Variants in TBC1D14 observed in about 807,000 individuals in gnomAD.
TBC1D14 encodes the protein TBC1 domain family, member 14.
Under a neutral mutation model 79.0 loss-of-function variants are expected in TBC1D14, and 26 were observed. The ratio of observed to expected loss-of-function variants is 0.33; its 90% CI spans 0.24 to 0.46. The LOEUF (loss-of-function observed/expected upper bound fraction) is 0.46, where lower values mean the gene tolerates loss of function less well. TBC1D14 is among the 20% of genes least tolerant of loss of function. TBC1D14 has a pLI of 1.00. For missense variants in TBC1D14, 769 were observed against 887.6 expected (o/e 0.87, Z 1.70); for synonymous variants, 394 against 349.9 (o/e 1.13, Z -1.40).
In TBC1D14 at chr4:7,020,180, C is replaced by G. The variant is rs146684509; in HGVS notation, c.1758-4824C>G. 3.4e-3 allele frequency among the ~76,000 whole-genome samples: 514 copies of G among 152,156 alleles called. 3 individuals are homozygous for G. Among genetic ancestry groups the G allele is most frequent in the African/African-American group, 0.012 (501 of 41,486 alleles). ...GGGCACAGAGGTGGGTATGTGAACC[C>G]CACTGGGCTCAGGGTGGGGAGGACT... is the stretch of plus-strand genomic sequence containing the variant. On this transcript the variant is annotated intron_variant, in intron 12 of 13. Transcript: ENST00000409757.
intron 1 of TBC1D14, among the ~76,000 whole-genome samples, chr4:6,920,000 G>A (rs931144701): frequency 1.3e-5 from 2 of 150,934 alleles, no homozygotes; most frequent in African/African-American, 4.9e-5. Flanking sequence ...CTACTGTCTT[G>A]AACTCCTGGG....
chr4:6,919,804 A>G (rs1278226444), intron 1 of TBC1D14, among the ~76,000 whole-genome samples: 2 of 152,068 alleles, frequency 1.3e-5, no homozygotes, highest in African/African-American at 2.4e-5. Flanking sequence ...TATTTTTAGT[A>G]GAGAGGGGGT....
chr4:6,942,966 G>A (rs1441647686), intron 2 of TBC1D14, among the ~76,000 whole-genome samples: 1 of 152,180 alleles, frequency 6.6e-6, no homozygotes, highest in African/African-American at 2.4e-5. Context: ...ATCTAGTTAG[G>A]TGGATGAATG....
chr4:7,028,662 C>T lies in TBC1D14; in HGVS notation c.2017-1665C>T, dbSNP rs544264312. On this transcript the variant is annotated intron_variant, in intron 13 of 13. Transcript: ENST00000409757. Reference sequence around the variant, plus strand: ...GGCTGGTCTCAAATTCCTGACCTCGCGATCCACCTACCTCAGCCTCCCAAA... The same window carrying T: ...GGCTGGTCTCAAATTCCTGACCTCGTGATCCACCTACCTCAGCCTCCCAAA... Among the ~76,000 whole-genome samples, 127 of 152,102 alleles carry T rather than the reference C, an allele frequency of 8.3e-4. 1 individual carries two copies. Among genetic ancestry groups the T allele is most frequent in the Admixed American group, 1.2e-3 (18 of 15,286 alleles).
At chr4:6,935,818 A>AT (rs1712264010) in intron 2 of TBC1D14, among the ~76,000 whole-genome samples, 1 of 151,536 alleles carries the variant, frequency 6.6e-6, no homozygotes. Context: ...TAATTTTTGT[A>AT]TTTTTAGTAG....
intron 8 of TBC1D14, among the ~76,000 whole-genome samples, chr4:7,005,360 C>A (rs1239897692): frequency 6.6e-6 from 1 of 152,134 alleles, no homozygotes; most frequent in East Asian, 1.9e-4. Context: ...ATGGCGAGAC[C>A]CCCGTCTCTA....
chr4:6,996,794 CCGGGT>C (rs1719098513), intron 5 of TBC1D14, among the ~76,000 whole-genome samples: 1 of 152,166 alleles, frequency 6.6e-6, no homozygotes, highest in Admixed American at 6.5e-5. Flanking sequence ...ACTATCCATT[CCGGGT>C]AGCTTTATTC....
intron 12 of TBC1D14, among the ~76,000 whole-genome samples, chr4:7,023,663 C>T (rs748711288): frequency 4.6e-5 from 7 of 152,134 alleles, no homozygotes; most frequent in Non-Finnish European, 8.8e-5. Flanking sequence ...AGAGCGTGGG[C>T]GTTGGAGTCA....
chr4:6,954,542 G>A (rs1258806338), intron 2 of TBC1D14, among the ~76,000 whole-genome samples: 1 of 152,190 alleles, frequency 6.6e-6, no homozygotes, highest in Non-Finnish European at 1.5e-5. Context: ...CCCTGGGCTG[G>A]TGTTTGTGCT....
At chr4:6,950,776 T>C (rs1006316182) in intron 2 of TBC1D14, among the ~76,000 whole-genome samples, 1 of 152,258 alleles carries the variant, frequency 6.6e-6, no homozygotes. Flanking sequence ...GTTCATAATA[T>C]ATTATACTTT....
At chr4:6,945,749 C>CAAAAAAAAAAAAAAAAAAAAAA (rs71173472) in intron 2 of TBC1D14, among the ~76,000 whole-genome samples, 4 of 64,134 alleles carry the variant, frequency 6.2e-5, no homozygotes, top group Non-Finnish European at 7.9e-5. Context: ...AACTGCGTCT[C>CAAAAAAAAAAAAAAAAAAAAAA]AAAAAAAAAA....
rs1260873130 is a variant in TBC1D14 at position 6,924,257 on chromosome 4, G to A, written c.722+146G>A. 14 of 946,106 alleles carry A rather than the reference G, an allele frequency of 1.5e-5. No individual in the cohort carries two copies. In the South Asian group the frequency reaches 1.7e-4, roughly 11 times the overall value. 58.6% of individuals were successfully genotyped at this position (946,106 alleles called of 1,614,324 possible). ...TAATTGGGTCTTTTCCCAGAAGCCC[G>A]GAATCCTGTGGGATTGTGAGAACTG... is the stretch of plus-strand genomic sequence containing the variant. On this transcript the variant is annotated intron_variant, in intron 2 of 13. Transcript: ENST00000409757.
Position 6,926,400 on chromosome 4 carries a change from G to A in TBC1D14, c.722+2289G>A, listed in dbSNP as rs572498938. Among the ~76,000 whole-genome samples the A allele has an allele frequency of 3.3e-5, 5 of 152,288 alleles. No individual in the cohort carries two copies. In the South Asian group the frequency reaches 8.3e-4, roughly 25 times the overall value. The stretch of plus-strand genomic sequence containing the variant: ...CTCTTCCCCTTTGAAAGGAAGCATC[G>A]TTGGTTATGCAATTTCTAGATCATT... On this transcript the variant is annotated intron_variant, in intron 2 of 13. Transcript: ENST00000409757.
At chr4:6,954,133 C>G (rs935210568) in intron 2 of TBC1D14, 6 of 602,048 alleles carry the variant, frequency 1.0e-5, no homozygotes, top group Admixed American at 2.7e-5. Context: ...GCCTTTCCGC[C>G]GGCCTGCTGG....
chr4:7,010,023 C>T, intron 10 of TBC1D14, 75 bp downstream of exon 10: 1 of 1,529,546 alleles, frequency 6.5e-7, no homozygotes, highest in Non-Finnish European at 9.0e-7. Flanking sequence ...CACGTGTTAG[C>T]TGCAAATGTC....
At chr4:6,910,032 C>A (rs923378667) in intron 1 of TBC1D14, 81 bp downstream of exon 1, 1 of 147,624 alleles carries the variant, frequency 6.8e-6, no homozygotes, top group African/African-American at 2.4e-5. Flanking sequence ...TGCTGCAGCG[C>A]CGGCCGAGGC....
At chr4:7,015,992 T>G (rs1300397833) in intron 12 of TBC1D14, among the ~76,000 whole-genome samples, 1 of 152,254 alleles carries the variant, frequency 6.6e-6, no homozygotes, top group African/African-American at 2.4e-5. Context: ...TTTGTTGTTG[T>G]TGCCCACTTT....
chr4:6,936,630 C>G (rs1253153138), intron 2 of TBC1D14, among the ~76,000 whole-genome samples: 2 of 152,216 alleles, frequency 1.3e-5, no homozygotes, highest in African/African-American at 2.4e-5. Context: ...TTTTCAGCTC[C>G]TTTGGGTAAA....
At chr4:7,004,597 G>T (rs927320600) in intron 7 of TBC1D14, among the ~76,000 whole-genome samples, 11 of 152,180 alleles carry the variant, frequency 7.2e-5, no homozygotes, top group African/African-American at 2.2e-4. Context: ...CAGTTTTGTG[G>T]GTAGGCTGTG....
Sources: gnomAD v4.1 joint callset for allele counts (sites outside exome capture counted in the v4.1 genomes callset) on GRCh38, gnomAD v4.1.1 for gene constraint, MANE v1.5 for transcripts, NCBI Gene and HGNC (gene_info 2026-07-23, HGNC 2026-07-21) for gene names.